Variants in OR9Q1 observed in about 807,000 individuals in gnomAD.
OR9Q1 encodes olfactory receptor 9Q1.
For synonymous variants in OR9Q1, 153 were observed against 148.6 expected, an observed-to-expected ratio of 1.03 and a Z score of -0.22; for missense variants, 374 against 378.8, an observed-to-expected ratio of 0.99 and a Z score of 0.11.
In OR9Q1 at chr11:58,129,536, C is replaced by A. The variant is rs1405410135; in HGVS notation, c.-14-49895C>A. ...ATTATCTGTGATCTACCCCCAACCT[C>A]CCTCTGGTTTTGATCTCCTACTGGT... is the stretch of plus-strand genomic sequence containing the variant. On this transcript the variant is annotated intron_variant, in intron 2 of 2. Coordinates refer to ENST00000335397, the MANE Select transcript of OR9Q1 (RefSeq NM_001005212.4). Among the ~76,000 whole-genome samples the A allele has an allele frequency of 2.1e-5, 3 of 146,330 alleles. No individual in the cohort carries two copies. In the East Asian group the frequency reaches 6.0e-4, roughly 29 times the overall value.
intron 1 of OR9Q1, among the ~76,000 whole-genome samples, chr11:58,028,595 C>T (rs1236496270): frequency 6.6e-6 from 1 of 152,114 alleles, no homozygotes; most frequent in Non-Finnish European, 1.5e-5. Flanking sequence ...TGTGCAGTAT[C>T]TCCACTGGGA....
At chr11:58,090,473 C>G (rs536579008) in intron 2 of OR9Q1, among the ~76,000 whole-genome samples, 2 of 152,146 alleles carry the variant, frequency 1.3e-5, no homozygotes, top group South Asian at 2.1e-4. Flanking sequence ...GTTGAACCAG[C>G]CTTGCATCCC....
intron 1 of OR9Q1, among the ~76,000 whole-genome samples, chr11:58,033,116 A>C (rs1292752222): frequency 6.6e-6 from 1 of 152,192 alleles, no homozygotes; most frequent in Admixed American, 6.5e-5. Flanking sequence ...CAGATGTTGG[A>C]GAGGTTGCAG....
At chr11:58,118,448 A>G (rs939311459) in intron 2 of OR9Q1, 2 of 1,191,670 alleles carry the variant, frequency 1.7e-6, no homozygotes, top group African/African-American at 1.5e-5. Flanking sequence ...CTATTAGGAT[A>G]TATTCATATG....
chr11:58,146,527 G>T (rs921721646), intron 2 of OR9Q1, among the ~76,000 whole-genome samples: 1 of 152,142 alleles, frequency 6.6e-6, no homozygotes, highest in African/African-American at 2.4e-5. Context: ...GATAGATATG[G>T]TTCCTTCAGC....
chr11:58,119,009 C>A (rs1853993635), intron 2 of OR9Q1: 6 of 1,613,920 alleles, frequency 3.7e-6, no homozygotes, highest in African/African-American at 1.3e-5. Flanking sequence ...TAGGCTCCTA[C>A]CACCAGGCTC....
At chr11:58,076,497 G>A (rs1183797180) in intron 2 of OR9Q1, among the ~76,000 whole-genome samples, 2 of 152,132 alleles carry the variant, frequency 1.3e-5, no homozygotes. Flanking sequence ...TCACAACAAG[G>A]CAGCTTACTC....
intron 1 of OR9Q1, chr11:58,031,652 TC>T: frequency 6.2e-7 from 1 of 1,613,876 alleles, no homozygotes; most frequent in South Asian, 1.1e-5. Context: ...GCACATCCGC[TC>T]AGCTGCTGAG....
intron 2 of OR9Q1, among the ~76,000 whole-genome samples, chr11:58,124,799 A>T (rs972167133): frequency 2.0e-5 from 3 of 152,198 alleles, no homozygotes; most frequent in African/African-American, 7.2e-5. Flanking sequence ...GTGTTGAATC[A>T]ACACGCTGTG....
At chr11:58,046,223 A>G (rs1853215021) in intron 1 of OR9Q1, among the ~76,000 whole-genome samples, 1 of 152,134 alleles carries the variant, frequency 6.6e-6, no homozygotes, top group Non-Finnish European at 1.5e-5. Flanking sequence ...CGACAATGCT[A>G]ATTTCTTCCC....
chr11:58,161,185 A>G (rs945254031), intron 2 of OR9Q1, among the ~76,000 whole-genome samples: 3 of 151,768 alleles, frequency 2.0e-5, no homozygotes, highest in Non-Finnish European at 2.9e-5. Context: ...TGGCACATGT[A>G]TACCTATGTA....
intron 2 of OR9Q1, among the ~76,000 whole-genome samples, chr11:58,058,167 C>T (rs1210118345): frequency 6.6e-6 from 1 of 152,218 alleles, no homozygotes; most frequent in Non-Finnish European, 1.5e-5. Flanking sequence ...GGCATACGTG[C>T]CTCCCAGGAA....
At chr11:58,064,497 C>T (rs2120003308) in intron 2 of OR9Q1, among the ~76,000 whole-genome samples, 1 of 152,284 alleles carries the variant, frequency 6.6e-6, no homozygotes, top group African/African-American at 2.4e-5. Context: ...TGGGCTCTGA[C>T]TCCAGGAAGG....
rs1853711974 is a variant in OR9Q1 at position 58,094,385 on chromosome 11, A to G, written c.-15+38438A>G. Among the ~76,000 whole-genome samples the G allele has an allele frequency of 3.9e-5, 6 of 152,204 alleles. No individual in the cohort carries two copies. The South Asian group carries it at 1.2e-3, about 31-fold the overall frequency. ...CTCTAAAAGCCCCAATTTCACTGCT[A>G]CACAATCTATCCACATAATGAAAAT... is the stretch of plus-strand genomic sequence containing the variant. On this transcript the variant is annotated intron_variant, in intron 2 of 2. Coordinates refer to ENST00000335397, the MANE Select transcript of OR9Q1 (RefSeq NM_001005212.4).
At chr11:58,057,389 T>A (rs1853338866) in intron 2 of OR9Q1, among the ~76,000 whole-genome samples, 1 of 152,150 alleles carries the variant, frequency 6.6e-6, no homozygotes, top group Non-Finnish European at 1.5e-5. Context: ...CAGCTCTTCC[T>A]CTAGCTGAAA....
intron 2 of OR9Q1, chr11:58,118,933 T>G (rs544312953): frequency 6.2e-7 from 1 of 1,613,888 alleles, no homozygotes; most frequent in Non-Finnish European, 8.5e-7. Context: ...TATTTGATTG[T>G]CCTTACAGAA....
chr11:58,082,638 C>T (rs987650562), intron 2 of OR9Q1, among the ~76,000 whole-genome samples: 1 of 138,288 alleles, frequency 7.2e-6, no homozygotes, highest in African/African-American at 2.6e-5. Flanking sequence ...GGAGATATAC[C>T]TAATGCTAAA....
intron 2 of OR9Q1, among the ~76,000 whole-genome samples, chr11:58,089,962 C>T (rs986552378): frequency 3.3e-5 from 5 of 149,474 alleles, no homozygotes; most frequent in African/African-American, 1.3e-4. Context: ...ATTATTTGTG[C>T]ATAGGATTGT....
chr11:58,032,409 C>G (rs984612704), intron 1 of OR9Q1, among the ~76,000 whole-genome samples: 2 of 152,082 alleles, frequency 1.3e-5, no homozygotes, highest in Non-Finnish European at 2.9e-5. Context: ...GGTGCTAGTA[C>G]AGAAACAGAC....
Sources: gnomAD v4.1 joint callset for allele counts (sites outside exome capture counted in the v4.1 genomes callset) on GRCh38, gnomAD v4.1.1 for gene constraint, MANE v1.5 for transcripts, NCBI Gene and HGNC (gene_info 2026-07-23, HGNC 2026-07-21) for gene names.